EPS15L1: variants seen among roughly 807,000 people sequenced by gnomAD.
EPS15L1 encodes epidermal growth factor receptor pathway substrate 15 like 1.
Under a neutral mutation model 117.1 loss-of-function variants are expected in EPS15L1, and 43 were observed. That is an observed-to-expected ratio of 0.37 (90% CI 0.29 to 0.47). EPS15L1 has a LOEUF of 0.47. Among genes scored for constraint, EPS15L1 ranks in the 20% least tolerant of loss-of-function variants. The probability of loss-of-function intolerance (pLI) is 0.99; values close to 1 mark genes in which losing one functional copy is unlikely to be tolerated. For missense variants in EPS15L1, 981 were observed against 1,164.0 expected, an observed-to-expected ratio of 0.84 and a Z score of 2.29; for synonymous variants, 459 against 470.5, an observed-to-expected ratio of 0.98 and a Z score of 0.32.
intron 1 of EPS15L1, among the ~76,000 whole-genome samples, chr19:16,461,626 A>AAAAGAAAG (rs199970409): frequency 1.3e-4 from 20 of 152,046 alleles, no homozygotes; most frequent in Middle Eastern, 3.4e-3. Flanking sequence ...TGTCTCAAAA[A>AAAAGAAAG]AAAGAAAGAA....
intron 4 of EPS15L1, among the ~76,000 whole-genome samples, chr19:16,439,655 C>T (rs748392149): frequency 2.6e-5 from 4 of 152,086 alleles, no homozygotes; most frequent in Non-Finnish European, 4.4e-5. Context: ...CGCACCACTG[C>T]ACTCCAGCCT....
rs1287009704 is a variant in EPS15L1, at chr19:16,371,063, G to A, written c.2380+6059C>T. Among the ~76,000 whole-genome samples the A allele has an allele frequency of 2.0e-5, 3 of 152,246 alleles. No homozygotes were observed. Among genetic ancestry groups the A allele is most frequent in the African/African-American group, 7.2e-5 (3 of 41,462 alleles). ...TCATCGTGGGAACGAAATTGAAGTA[G>A]TTAAGTTCAAGGCTGAGGTGCTAAC... On this transcript the variant is annotated intron_variant, in intron 22 of 23. Coordinates refer to ENST00000455140, the MANE Select transcript of EPS15L1 (RefSeq NM_001258374.3). The surrounding 1 kb of genome is among the most constrained non-coding windows in gnomAD (Gnocchi z 4.7).
intron 10 of EPS15L1, among the ~76,000 whole-genome samples, chr19:16,419,471 A>G (rs2092793607): frequency 6.6e-6 from 1 of 152,084 alleles, no homozygotes; most frequent in South Asian, 2.1e-4. Context: ...AAAAAAAATA[A>G]AAAAATGAGG....
chr19:16,452,947 C>T (rs770426146), intron 1 of EPS15L1, among the ~76,000 whole-genome samples: 32 of 152,072 alleles, frequency 2.1e-4, no homozygotes, highest in Non-Finnish European at 3.5e-4. Flanking sequence ...CAGGTGCCCA[C>T]CACCATGCCC....
chr19:16,425,242 G>C lies in EPS15L1; in HGVS notation c.633C>G (p.Pro211=). The C allele has an allele frequency of 6.3e-7, 1 of 1,595,670 alleles. No homozygotes were observed. The highest frequency in any genetic ancestry group is 8.6e-7 in the Non-Finnish European group (1 of 1,163,790). Residue 211 remains proline, a synonymous_variant, in exon 9 of 24, where the codon CCC becomes CCG. Transcript: ENST00000455140. The stretch of plus-strand genomic sequence containing the variant: ...GGAACACAGTCTTCTTTCTCTTGGA[G>C]GGTGGGATGAGGGACGGGGGCAGGG... ...PSALPPSLIP[P]SKRKKTVFPG... is the part of the protein sequence containing the mutation.
At chr19:16,457,646 GGAGGGGAACAGATTCCAGCCCTCCCT>G (rs1423313530) in intron 1 of EPS15L1, among the ~76,000 whole-genome samples, 18 of 152,122 alleles carry the variant, frequency 1.2e-4, no homozygotes, top group Non-Finnish European at 2.2e-4. Context: ...CGCCCGGGCA[GGAGGGGAACAGATTCCAGCCCTCCCT>G]CCTGAAAACG....
chr19:16,453,453 C>T (rs944843316), intron 1 of EPS15L1, among the ~76,000 whole-genome samples: 1 of 152,070 alleles, frequency 6.6e-6, no homozygotes, highest in Non-Finnish European at 1.5e-5. Flanking sequence ...GTGGCTCATG[C>T]CTGTAATCCC....
chr19:16,442,342 A>C, intron 1 of EPS15L1, 123 bp from the exon 2 acceptor site: 1 of 683,750 alleles, frequency 1.5e-6, no homozygotes, highest in Admixed American at 2.4e-5. Flanking sequence ...AAATGCATGC[A>C]CTTTAAACAT....
At chr19:16,414,343 C>G (rs971096789) in intron 12 of EPS15L1, among the ~76,000 whole-genome samples, 4 of 152,188 alleles carry the variant, frequency 2.6e-5, no homozygotes, top group Non-Finnish European at 5.9e-5. Context: ...CCCAGCCCAG[C>G]CGACGCCTTG....
intron 7 of EPS15L1, among the ~76,000 whole-genome samples, chr19:16,432,546 C>CAA (rs2092939212): frequency 6.6e-6 from 1 of 151,272 alleles, no homozygotes; most frequent in Non-Finnish European, 1.5e-5. Flanking sequence ...CCAGCCTGGG[C>CAA]AACAGAGCGA....
At chr19:16,378,498 G>C (rs535527993) in intron 21 of EPS15L1, among the ~76,000 whole-genome samples, 1 of 152,190 alleles carries the variant, frequency 6.6e-6, no homozygotes, top group South Asian at 2.1e-4. Flanking sequence ...GTCCCCCAGA[G>C]CTCTCCCAGG....
chr19:16,422,508 G>A (rs758773804), intron 9 of EPS15L1, among the ~76,000 whole-genome samples: 3 of 152,122 alleles, frequency 2.0e-5, no homozygotes, highest in Non-Finnish European at 4.4e-5. Flanking sequence ...AGATGATGAG[G>A]GAGTGGAGAG....
chr19:16,415,604 A>G (rs1188981358), intron 12 of EPS15L1, among the ~76,000 whole-genome samples: 2 of 152,234 alleles, frequency 1.3e-5, no homozygotes, highest in South Asian at 2.1e-4. Flanking sequence ...GTGTGAAATC[A>G]TAAGAGGAAA....
At chr19:16,398,736 C>T (rs2092566050) in intron 16 of EPS15L1, among the ~76,000 whole-genome samples, 1 of 152,182 alleles carries the variant, frequency 6.6e-6, no homozygotes, top group Admixed American at 6.5e-5. Context: ...CACTACTGAG[C>T]AGCGTGGGAG....
rs150863165 is a variant in EPS15L1, at chr19:16,435,498, T to C, written c.373-1008A>G. Among the ~76,000 whole-genome samples the C allele has an allele frequency of 1.8e-4, 28 of 152,240 alleles. No homozygotes were observed. The East Asian group carries it at 5.4e-3, about 29-fold the overall frequency. ...ACTTAGAAATGGTTAAGATGGTAAA[T>C]GTTACATGATGTGTCTTTCAACCAC... On this transcript the variant is annotated intron_variant, in intron 6 of 23. Transcript: ENST00000455140.
intron 23 of EPS15L1, 85 bp from the exon 24 acceptor site, chr19:16,355,936 G>A: frequency 1.4e-6 from 2 of 1,474,748 alleles, no homozygotes; most frequent in Admixed American, 2.0e-5. Flanking sequence ...GCGTGGGAGG[G>A]GTCAGGGTCC....
intron 8 of EPS15L1, among the ~76,000 whole-genome samples, chr19:16,426,595 T>C (rs979942754): frequency 2.6e-5 from 4 of 152,076 alleles, no homozygotes; most frequent in African/African-American, 9.7e-5. Flanking sequence ...GCTGAGATCA[T>C]GCCACTGCAC....
Position 16,413,767 on chromosome 19 carries a change from C to T in EPS15L1, c.1266+6G>A. 1 of 1,612,996 alleles carries T rather than the reference C, an allele frequency of 6.2e-7. No homozygotes were observed. ...TAGATGTAACCAAAACGAACGAGACCCTTACCTGCACCTCGCTGGTTTTCT... is the reference window on the plus strand; with the variant it reads ...TAGATGTAACCAAAACGAACGAGACTCTTACCTGCACCTCGCTGGTTTTCT... On this transcript the variant is annotated splice_donor_region_variant and intron_variant, in intron 13 of 23. Transcript: ENST00000455140.
At chr19:16,427,998 C>T (rs868757422) in intron 8 of EPS15L1, among the ~76,000 whole-genome samples, 4 of 137,892 alleles carry the variant, frequency 2.9e-5, no homozygotes, top group African/African-American at 1.1e-4. Context: ...GGCAGGAGAT[C>T]GAGACCATCC....
Sources: allele counts gnomAD v4.1 joint callset (sites outside exome capture counted in the v4.1 genomes callset), GRCh38; gene constraint gnomAD v4.1.1; non-coding constraint Gnocchi (gnomAD v3.1); transcripts MANE v1.5; gene names NCBI Gene and HGNC (gene_info 2026-07-23, HGNC 2026-07-21).